Variants in SLC6A11 observed in about 807,000 individuals in gnomAD.
SLC6A11 encodes the protein sodium- and chloride-dependent GABA transporter 3.
Under a neutral mutation model 74.8 loss-of-function variants are expected in SLC6A11, and 25 were observed. That is an observed-to-expected ratio of 0.33 (90% CI 0.24 to 0.47). The LOEUF is 0.47. SLC6A11 is among the 20% of genes least tolerant of loss of function. The pLI is 1.00. For synonymous variants in SLC6A11, 330 were observed against 330.2 expected (o/e 1.00, Z 0.01); for missense variants, 574 against 837.0 (o/e 0.69, Z 3.88).
At chr3:10,891,949 C>T (rs758056206) in intron 6 of SLC6A11, among the ~76,000 whole-genome samples, 1 of 152,206 alleles carries the variant, frequency 6.6e-6, no homozygotes, top group Non-Finnish European at 1.5e-5. Context: ...TGTGAAAGAG[C>T]TCTGAGCAAC....
intron 6 of SLC6A11, among the ~76,000 whole-genome samples, chr3:10,910,571 G>C (rs1239091299): frequency 6.6e-6 from 1 of 152,122 alleles, no homozygotes; most frequent in Non-Finnish European, 1.5e-5. Context: ...AGACTATTCT[G>C]TCAGAAGTAC....
chr3:10,916,379 G>A (rs987974229), intron 7 of SLC6A11, among the ~76,000 whole-genome samples: 5 of 152,130 alleles, frequency 3.3e-5, no homozygotes, highest in Non-Finnish European at 7.4e-5. Flanking sequence ...GCACACAGGG[G>A]TTGACCACAG....
At chr3:10,824,436 A>G (rs1694178349) in intron 4 of SLC6A11, 1 of 152,160 alleles carries the variant, frequency 6.6e-6, no homozygotes, top group African/African-American at 2.4e-5. Flanking sequence ...CCCAGATACC[A>G]TTCGTCTCCT....
intron 6 of SLC6A11, among the ~76,000 whole-genome samples, chr3:10,876,991 T>G (rs2629134): frequency 0.45 from 68,668 of 151,798 alleles, 16,142 homozygotes; most frequent in East Asian, 0.64. Flanking sequence ...CTCTTTCTGG[T>G]CCTCAGTTTC....
intron 4 of SLC6A11, among the ~76,000 whole-genome samples, chr3:10,840,621 T>C (rs1462966817): frequency 2.0e-5 from 3 of 152,188 alleles, no homozygotes; most frequent in African/African-American, 7.2e-5. Flanking sequence ...CACAAAGACA[T>C]GTAAGGCAGC....
Position 10,819,467 on chromosome 3 carries a change from G to A in SLC6A11, c.259G>A (p.Ala87Thr). The change falls in exon 2 of 14, where the codon GCA becomes ACA. Residue 87 changes from alanine to threonine, a missense_variant and splice_region_variant. Ala to Thr is a moderately conservative substitution (Grantham distance 58). This residue lies in a region of SLC6A11 where 215 missense variants were observed against 357.9 expected (regional missense o/e 0.60). Transcript: ENST00000254488. ...TTCATTCCTTTGCATCCTTACAGGG[G>A]CATTCCTGATTCCCTACGTGGTGTT... ...PYLCYKNGGG[A>T]FLIPYVVFFI... The A allele has an allele frequency of 6.2e-7, 1 of 1,612,264 alleles. No homozygotes were observed. Among genetic ancestry groups the A allele is most frequent in the Non-Finnish European group, 8.5e-7 (1 of 1,179,486 alleles).
intron 6 of SLC6A11, among the ~76,000 whole-genome samples, chr3:10,876,546 A>C (rs948851163): frequency 1.3e-5 from 2 of 151,978 alleles, no homozygotes; most frequent in African/African-American, 4.8e-5. Context: ...AGAGTTTCCA[A>C]ATCTGGCTGA....
chr3:10,912,541 C>A (rs922314330), intron 7 of SLC6A11, among the ~76,000 whole-genome samples: 2 of 152,234 alleles, frequency 1.3e-5, no homozygotes, highest in African/African-American at 4.8e-5. Flanking sequence ...CTTGTTCTCT[C>A]GCCTACTATT....
intron 9 of SLC6A11, 143 bp from the exon 10 acceptor site, chr3:10,929,059 G>A (rs1695648039): frequency 4.8e-6 from 4 of 825,014 alleles, no homozygotes; most frequent in Non-Finnish European, 7.9e-6. Context: ...TGGGATGACT[G>A]TTATCCTCAG....
intron 6 of SLC6A11, among the ~76,000 whole-genome samples, chr3:10,890,987 T>A (rs576729245): frequency 1.1e-4 from 16 of 151,926 alleles, no homozygotes; most frequent in Non-Finnish European, 1.9e-4. Flanking sequence ...AGGGGTAGAG[T>A]TTCTAACTTC....
chr3:10,823,380 T>C lies in SLC6A11; in HGVS notation c.611T>C (p.Met204Thr). Residue 204 changes from methionine (M) to threonine (T), a missense_variant, in exon 4 of 14, where the codon ATG (methionine) becomes ACG (threonine). Transcript: ENST00000254488. ...VSLQNATSPV[M>T]EFWEHRVLAI... ...CTGCAGAATGCCACCTCCCCTGTCATGGAGTTTTGGGAGTAAGTGGAGAAG... is the reference window on the plus strand; with the variant it reads ...CTGCAGAATGCCACCTCCCCTGTCACGGAGTTTTGGGAGTAAGTGGAGAAG... The C allele has an allele frequency of 6.2e-7, 1 of 1,611,902 alleles. No homozygotes were observed. The highest frequency in any genetic ancestry group is 8.5e-7 in the Non-Finnish European group (1 of 1,178,028).
At chr3:10,832,606 A>G (rs908285034) in intron 4 of SLC6A11, among the ~76,000 whole-genome samples, 22 of 152,200 alleles carry the variant, frequency 1.4e-4, no homozygotes, top group African/African-American at 5.3e-4. Flanking sequence ...ACCTATAAAT[A>G]TGTCTCCCCA....
intron 6 of SLC6A11, among the ~76,000 whole-genome samples, chr3:10,883,715 T>C (rs909361645): frequency 6.6e-6 from 1 of 152,204 alleles, no homozygotes; most frequent in Non-Finnish European, 1.5e-5. Flanking sequence ...GGTGGCAGTG[T>C]ACTCTGATTC....
chr3:10,932,130 C>T (rs974937201), intron 10 of SLC6A11, among the ~76,000 whole-genome samples: 2 of 152,156 alleles, frequency 1.3e-5, no homozygotes. Context: ...GACCCCCGCT[C>T]TCCCTATATC....
intron 4 of SLC6A11, among the ~76,000 whole-genome samples, chr3:10,830,721 C>T (rs1694284368): frequency 6.6e-6 from 1 of 151,994 alleles, no homozygotes; most frequent in African/African-American, 2.4e-5. Context: ...GGGTGGTGAC[C>T]CCATAGTGGG....
chr3:10,873,317 G>A (rs1694848932), intron 5 of SLC6A11, among the ~76,000 whole-genome samples: 1 of 146,128 alleles, frequency 6.8e-6, no homozygotes, highest in African/African-American at 2.6e-5. Context: ...CAGGCACTGA[G>A]TTTTTTCTGC....
intron 9 of SLC6A11, among the ~76,000 whole-genome samples, chr3:10,927,141 C>G (rs1196150950): frequency 6.6e-6 from 1 of 152,238 alleles, no homozygotes; most frequent in Non-Finnish European, 1.5e-5. Context: ...ATTTCTTCCT[C>G]TGATCGGTTT....
intron 5 of SLC6A11, 50 bp from the exon 6 acceptor site, chr3:10,874,911 C>A (rs748705008): frequency 7.8e-6 from 12 of 1,539,124 alleles, no homozygotes; most frequent in Middle Eastern, 1.7e-4. Flanking sequence ...GTGAAGTAAC[C>A]CCATTGCTCT....
At chr3:10,835,360 T>G (rs60864466) in intron 4 of SLC6A11, among the ~76,000 whole-genome samples, 2,893 of 152,268 alleles carry the variant, frequency 0.019, 36 homozygotes, top group Middle Eastern at 0.031. Flanking sequence ...GGGATCCACG[T>G]TCTGCGAGAG....
Sources: gnomAD v4.1 joint callset for allele counts (sites outside exome capture counted in the v4.1 genomes callset) on GRCh38, gnomAD v4.1.1 for gene constraint, gnomAD v4.1.1 regional missense constraint, MANE v1.5 for transcripts, NCBI Gene and HGNC (gene_info 2026-07-23, HGNC 2026-07-21) for gene names.